SETBP1: variants seen among roughly 807,000 people sequenced by gnomAD.
The protein encoded by SETBP1 is SET-binding protein.
A neutral mutation model predicts 101.0 loss-of-function variants in SETBP1; 9 were observed. That is an observed-to-expected ratio of 0.09 (90% confidence interval 0.05 to 0.16). The LOEUF (loss-of-function observed/expected upper bound fraction) is 0.16. SETBP1 is among the 10% of genes least tolerant of loss of function. The pLI is 1.00. For synonymous variants in SETBP1, 818 were observed against 788.5 expected, an observed-to-expected ratio of 1.04 and a Z score of -0.63; for missense variants, 1,858 against 2,033.8, an observed-to-expected ratio of 0.91 and a Z score of 1.66.
rs542560021 is a variant in SETBP1, at chr18:44,691,955, G to A, written c.-172-9220G>A. Among the ~76,000 whole-genome samples the A allele has an allele frequency of 7.6e-4, 116 of 152,348 alleles. 1 individual carries two copies. The highest frequency in any genetic ancestry group is 2.6e-3 in the African/African-American group (110 of 41,584). ...TAAATGGTGGAGGAGGGATTAGAAT[G>A]TGGAATTCCTGACTGTACCCAGTAT... On this transcript the variant is annotated intron_variant, in intron 1 of 5. Transcript: ENST00000649279.
intron 2 of SETBP1, among the ~76,000 whole-genome samples, chr18:44,779,621 G>A (rs2071081877): frequency 6.6e-6 from 1 of 152,066 alleles, no homozygotes; most frequent in South Asian, 2.1e-4. Flanking sequence ...GAGAGGAGAG[G>A]GAGAGAGAAA....
At chr18:44,975,584 G>A (rs957623786) in intron 4 of SETBP1, among the ~76,000 whole-genome samples, 18 of 152,110 alleles carry the variant, frequency 1.2e-4, no homozygotes, top group Non-Finnish European at 2.5e-4. Flanking sequence ...ACCCCAAGAA[G>A]CATTGTTAGG....
intron 2 of SETBP1, among the ~76,000 whole-genome samples, chr18:44,778,178 C>T (rs2071044646): frequency 1.3e-5 from 2 of 152,128 alleles, no homozygotes; most frequent in South Asian, 4.1e-4. Flanking sequence ...CTGAGCTGGC[C>T]TTGTATGAAA....
chr18:44,894,497 C>T (rs2069846772), intron 3 of SETBP1, among the ~76,000 whole-genome samples: 1 of 151,664 alleles, frequency 6.6e-6, no homozygotes, highest in Non-Finnish European at 1.5e-5. Flanking sequence ...TGTTAAAGGA[C>T]CCCCTTGGTG....
At chr18:44,775,174 G>A (rs535460314) in intron 2 of SETBP1, among the ~76,000 whole-genome samples, 1 of 152,178 alleles carries the variant, frequency 6.6e-6, no homozygotes, top group South Asian at 2.1e-4. Context: ...ATAGTTTCAT[G>A]GCTCATTGAT....
chr18:44,694,114 T>C (rs1053991539), intron 1 of SETBP1, among the ~76,000 whole-genome samples: 8 of 152,216 alleles, frequency 5.3e-5, no homozygotes, highest in Admixed American at 4.6e-4. Context: ...AGCAAAACAA[T>C]AGTAGATGGA....
intron 3 of SETBP1, among the ~76,000 whole-genome samples, chr18:44,891,369 T>A (rs1040782337): frequency 6.6e-6 from 1 of 152,178 alleles, no homozygotes; most frequent in Non-Finnish European, 1.5e-5. Context: ...AGGTTTGATC[T>A]ACATTTTATT....
chr18:45,042,743 T>C (rs1181675179), intron 5 of SETBP1, among the ~76,000 whole-genome samples: 1 of 152,194 alleles, frequency 6.6e-6, no homozygotes, highest in Non-Finnish European at 1.5e-5. Context: ...GCATAATGAT[T>C]ATGACATTAT....
intron 1 of SETBP1, among the ~76,000 whole-genome samples, chr18:44,694,751 T>A (rs2068987437): frequency 6.6e-6 from 1 of 151,956 alleles, no homozygotes; most frequent in Non-Finnish European, 1.5e-5. Flanking sequence ...CTCATCAGAG[T>A]GTGAGCAAAG....
chr18:44,795,669 T>C (rs1444522136), intron 2 of SETBP1, among the ~76,000 whole-genome samples: 2 of 152,244 alleles, frequency 1.3e-5, no homozygotes, highest in Admixed American at 6.5e-5. Context: ...ATTTTATACA[T>C]ACAATGTTTT....
At chr18:44,911,781 C>T (rs1442548605) in intron 3 of SETBP1, among the ~76,000 whole-genome samples, 16 of 152,326 alleles carry the variant, frequency 1.1e-4, no homozygotes, top group African/African-American at 3.4e-4. Context: ...CCCTAATAGA[C>T]ATTCAACCCA....
chr18:44,977,603 C>T (rs532606898), intron 4 of SETBP1, among the ~76,000 whole-genome samples: 1 of 152,330 alleles, frequency 6.6e-6, no homozygotes, highest in Non-Finnish European at 1.5e-5. Context: ...CCTTAATTGT[C>T]TTCTGATTTA....
chr18:44,884,705 A>C (rs370370123), intron 3 of SETBP1, among the ~76,000 whole-genome samples: 2 of 152,206 alleles, frequency 1.3e-5, no homozygotes, highest in East Asian at 3.8e-4. Flanking sequence ...CAAATGTGTC[A>C]GTGAAAATAC....
intron 3 of SETBP1, among the ~76,000 whole-genome samples, chr18:44,933,591 G>A (rs1213180238): frequency 1.3e-5 from 2 of 152,186 alleles, no homozygotes; most frequent in African/African-American, 4.8e-5. Context: ...GAGCTCCGTG[G>A]GCTCCACCCA....
chr18:44,987,800 A>C (rs1341152005), intron 4 of SETBP1: 1 of 152,246 alleles, frequency 6.6e-6, no homozygotes, highest in Non-Finnish European at 1.5e-5. Flanking sequence ...ATGTTGTAGC[A>C]CAGCAGCATG....
intron 2 of SETBP1, among the ~76,000 whole-genome samples, chr18:44,830,667 T>C (rs1350790917): frequency 3.3e-5 from 5 of 152,218 alleles, no homozygotes; most frequent in African/African-American, 1.2e-4. Flanking sequence ...GCAGAGTTAC[T>C]AGGGATACTG....
chr18:44,889,471 G>T (rs569659755), intron 3 of SETBP1, among the ~76,000 whole-genome samples: 2 of 152,266 alleles, frequency 1.3e-5, no homozygotes, highest in East Asian at 1.9e-4. Flanking sequence ...CATGTGGGGA[G>T]TGTAGACTAG....
chr18:44,920,876 G>A (rs2070565070), intron 3 of SETBP1, among the ~76,000 whole-genome samples: 1 of 152,190 alleles, frequency 6.6e-6, no homozygotes, highest in Non-Finnish European at 1.5e-5. Flanking sequence ...CTTTGCAAAT[G>A]ACTTGCTTGC....
chr18:44,738,787 A>G (rs1017263211), intron 2 of SETBP1, among the ~76,000 whole-genome samples: 30 of 151,888 alleles, frequency 2.0e-4, no homozygotes, highest in African/African-American at 6.5e-4. Flanking sequence ...AAAAAAAAAA[A>G]AAAAGAAAAA....
Sources: allele counts gnomAD v4.1 joint callset (sites outside exome capture counted in the v4.1 genomes callset), GRCh38; gene constraint gnomAD v4.1.1; transcripts MANE v1.5; gene names NCBI Gene and HGNC (gene_info 2026-07-23, HGNC 2026-07-21).